MCTP2: variants seen among roughly 807,000 people sequenced by gnomAD.
MCTP2 encodes multiple C2 and transmembrane domain containing 2.
A neutral mutation model predicts 111.6 loss-of-function variants in MCTP2; 132 were observed. The ratio of observed to expected loss-of-function variants is 1.18; its 90% CI spans 1.03 to 1.37. MCTP2 has a LOEUF of 1.37. Ranked by LOEUF, MCTP2 falls within the 40% of genes most tolerant of loss-of-function variation. The pLI is 0.00. For missense variants in MCTP2, 1,183 were observed against 1,067.9 expected (o/e 1.11, Z -1.50); for synonymous variants, 395 against 387.7 (o/e 1.02, Z -0.22).
Position 94,309,733 on chromosome 15 carries a change from T to C in MCTP2, c.466-4549T>C, listed in dbSNP as rs1387496778. On this transcript the variant is annotated intron_variant, in intron 2 of 22. Coordinates refer to ENST00000357742, the MANE Select transcript of MCTP2 (RefSeq NM_001385001.1). ...CCTGCCGAATTTTAATATATTTGCA[T>C]TCTTATGGTAGGAAAATCCACATCT... 4.6e-5 allele frequency among the ~76,000 whole-genome samples: 7 copies of C among 152,358 alleles called. No homozygotes were observed. The East Asian group carries it at 9.6e-4, about 21-fold the overall frequency.
intron 8 of MCTP2, among the ~76,000 whole-genome samples, chr15:94,347,884 TCACA>T (rs1567488393): frequency 7.1e-6 from 1 of 141,730 alleles, no homozygotes; most frequent in Admixed American, 7.4e-5. Context: ...TCTCTCTCTC[TCACA>T]CACACACAGA....
chr15:94,422,644 CA>C (rs2082679666), intron 17 of MCTP2, among the ~76,000 whole-genome samples: 2 of 152,150 alleles, frequency 1.3e-5, no homozygotes, highest in Non-Finnish European at 2.9e-5. Flanking sequence ...ATTCTCATTT[CA>C]AATCACATTC....
intron 19 of MCTP2, among the ~76,000 whole-genome samples, chr15:94,454,923 C>A (rs1282913747): frequency 6.6e-6 from 1 of 152,104 alleles, no homozygotes; most frequent in East Asian, 1.9e-4. Flanking sequence ...CAGGTTCAAG[C>A]GATTCTCCTG....
In MCTP2 at chr15:94,258,610, C is replaced by T. The variant is rs996634365; in HGVS notation, c.-66+26946C>T. Among the ~76,000 whole-genome samples the T allele has an allele frequency of 4.6e-5, 7 of 152,022 alleles. No individual in the cohort carries two copies. The South Asian group carries it at 1.2e-3, about 27-fold the overall frequency. On this transcript the variant is annotated intron_variant, in intron 1 of 22. Coordinates refer to ENST00000357742, the MANE Select transcript of MCTP2 (RefSeq NM_001385001.1). ...TAGTAGAGGTGACAATGGTAGTTAC[C>T]GAAAACCCTATTTAAATCACGCTTG...
chr15:94,251,199 CCT>C (rs1228028825), intron 1 of MCTP2, among the ~76,000 whole-genome samples: 7 of 152,134 alleles, frequency 4.6e-5, no homozygotes, highest in African/African-American at 1.7e-4. Context: ...GGATTTTGAC[CCT>C]GACAAATAAA....
chr15:94,310,444 A>G (rs1311489412), intron 2 of MCTP2, among the ~76,000 whole-genome samples: 1 of 152,176 alleles, frequency 6.6e-6, no homozygotes. Context: ...ATGGCAGTGT[A>G]CACATGGAAA....
chr15:94,414,215 G>A (rs2082277256), intron 17 of MCTP2, among the ~76,000 whole-genome samples: 1 of 152,146 alleles, frequency 6.6e-6, no homozygotes, highest in South Asian at 2.1e-4. Context: ...TTATGGTAAA[G>A]TTCAAACCAG....
At chr15:94,277,043 ATAAT>A (rs1456938846) in intron 1 of MCTP2, among the ~76,000 whole-genome samples, 6 of 152,020 alleles carry the variant, frequency 3.9e-5, no homozygotes, top group African/African-American at 1.2e-4. Context: ...AAAATCATAG[ATAAT>A]TAGAGTTTAC....
chr15:94,319,569 C>A (rs1274992890), intron 4 of MCTP2, among the ~76,000 whole-genome samples: 1 of 152,182 alleles, frequency 6.6e-6, no homozygotes, highest in African/African-American at 2.4e-5. Context: ...GCCCAGGAAC[C>A]ACACTTGGAG....
intron 17 of MCTP2, among the ~76,000 whole-genome samples, chr15:94,437,618 A>G (rs1374462218): frequency 7.9e-5 from 12 of 152,242 alleles, no homozygotes; most frequent in Admixed American, 7.8e-4. Flanking sequence ...GTTGTATAGA[A>G]ATTTATAAAT....
At chr15:94,277,642 A>T (rs760712181) in intron 1 of MCTP2, among the ~76,000 whole-genome samples, 1 of 152,168 alleles carries the variant, frequency 6.6e-6, no homozygotes, top group African/African-American at 2.4e-5. Context: ...CTATAATGCA[A>T]TCACTGGCTA....
intron 19 of MCTP2, among the ~76,000 whole-genome samples, chr15:94,445,127 G>T (rs1202583694): frequency 2.0e-5 from 3 of 152,180 alleles, no homozygotes; most frequent in African/African-American, 7.2e-5. Flanking sequence ...TGAAGAAAGA[G>T]TTGGAACAGC....
chr15:94,383,822 G>A (rs766653357), intron 12 of MCTP2, among the ~76,000 whole-genome samples, 200 bp from the exon 13 acceptor site: 34 of 152,166 alleles, frequency 2.2e-4, no homozygotes, highest in Admixed American at 3.9e-4. Context: ...GTTCTAACCC[G>A]TTGAGTATTG....
At chr15:94,474,707 G>A (rs2074207868) in intron 21 of MCTP2, among the ~76,000 whole-genome samples, 1 of 152,114 alleles carries the variant, frequency 6.6e-6, no homozygotes, top group African/African-American at 2.4e-5. Context: ...AACAAAAAAA[G>A]GAACCAAGGG....
chr15:94,257,490 G>T (rs1250442705), intron 1 of MCTP2, among the ~76,000 whole-genome samples: 3 of 150,412 alleles, frequency 2.0e-5, no homozygotes, highest in Non-Finnish European at 3.0e-5. Context: ...CAATGCCCTG[G>T]TAGCATTACA....
At chr15:94,312,966 G>A (rs986706516) in intron 2 of MCTP2, among the ~76,000 whole-genome samples, 2 of 152,134 alleles carry the variant, frequency 1.3e-5, no homozygotes, top group African/African-American at 4.8e-5. Flanking sequence ...GTCATGTCCA[G>A]GTGGTCACTG....
At chr15:94,250,723 C>T (rs1257453094) in intron 1 of MCTP2, among the ~76,000 whole-genome samples, 1 of 152,106 alleles carries the variant, frequency 6.6e-6, no homozygotes, top group Non-Finnish European at 1.5e-5. Flanking sequence ...GAAATGTGGC[C>T]TGAAAGAATA....
At chr15:94,357,071 C>T (rs2078665805) in intron 9 of MCTP2, among the ~76,000 whole-genome samples, 2 of 151,880 alleles carry the variant, frequency 1.3e-5, no homozygotes, top group South Asian at 4.2e-4. Context: ...AATCAGTGGA[C>T]GATTTTGAAA....
At chr15:94,350,356 G>C (rs182423689) in intron 8 of MCTP2, among the ~76,000 whole-genome samples, 7 of 152,334 alleles carry the variant, frequency 4.6e-5, no homozygotes, top group Admixed American at 1.3e-4. Flanking sequence ...GGGAGGCCGA[G>C]TCAGGTGGAT....
Sources: allele counts gnomAD v4.1 joint callset (sites outside exome capture counted in the v4.1 genomes callset), GRCh38; gene constraint gnomAD v4.1.1; transcripts MANE v1.5; gene names NCBI Gene and HGNC (gene_info 2026-07-23, HGNC 2026-07-21).